Variants in MBD5 observed in about 807,000 individuals in gnomAD.
MBD5 encodes methyl-CpG binding domain protein 5.
MBD5 carries 13 observed loss-of-function variants against 117.3 expected under a neutral mutation model. That is an observed-to-expected ratio of 0.11 (90% CI 0.07 to 0.18). MBD5 has a LOEUF of 0.18. Among genes scored for constraint, MBD5 ranks in the 10% least tolerant of loss-of-function variants. The pLI, the probability that MBD5 is intolerant of heterozygous loss-of-function variation, is 1.00. For missense variants in MBD5, 1,879 were observed against 2,093.8 expected (o/e 0.90, Z 2.00); for synonymous variants, 727 against 766.4 (o/e 0.95, Z 0.85).
chr2:148,115,190 C>T (rs1277524336), intron 1 of MBD5, among the ~76,000 whole-genome samples: 1 of 151,868 alleles, frequency 6.6e-6, no homozygotes, highest in Non-Finnish European at 1.5e-5. Context: ...GATCATTTTT[C>T]TTTTTTCTTT....
intron 1 of MBD5, among the ~76,000 whole-genome samples, chr2:148,101,402 C>T (rs1012311567): frequency 6.6e-6 from 1 of 152,016 alleles, no homozygotes; most frequent in Non-Finnish European, 1.5e-5. Flanking sequence ...TTTGAGGTTG[C>T]AGTGAGCTAT....
chr2:148,216,870 G>C (rs992696849), intron 2 of MBD5, among the ~76,000 whole-genome samples: 9 of 152,086 alleles, frequency 5.9e-5, no homozygotes, highest in African/African-American at 1.9e-4. Context: ...CTGCACACTG[G>C]CACACTTGAC....
chr2:148,126,088 A>C (rs928540902), intron 1 of MBD5, among the ~76,000 whole-genome samples: 2 of 152,126 alleles, frequency 1.3e-5, no homozygotes, highest in Non-Finnish European at 2.9e-5. Flanking sequence ...CCAGTGCATC[A>C]TGGAGAATTG....
At position 148,081,712 on chromosome 2, in the gene MBD5, C is replaced by G. The variant is rs547050463; in HGVS notation, c.-925+60028C>G. 2.8e-4 allele frequency among the ~76,000 whole-genome samples: 43 copies of G among 152,148 alleles called. No homozygotes were observed. The South Asian group carries it at 8.9e-3, about 32-fold the overall frequency. On this transcript the variant is annotated intron_variant, in intron 1 of 13. Coordinates refer to ENST00000642680, the MANE Select transcript of MBD5 (RefSeq NM_001378120.1). ...CTGTGTTGCCGCAGAACCCATGGTG[C>G]CACCCACTCAGAAGGCTTCCTGGAT...
intron 2 of MBD5, among the ~76,000 whole-genome samples, chr2:148,194,927 A>G (rs1473090980): frequency 6.6e-6 from 1 of 152,180 alleles, no homozygotes; most frequent in East Asian, 1.9e-4. Flanking sequence ...TCAGACTGAT[A>G]AAAACCCAAT....
At chr2:148,107,820 T>A (rs1432074959) in intron 1 of MBD5, among the ~76,000 whole-genome samples, 2 of 152,168 alleles carry the variant, frequency 1.3e-5, no homozygotes, top group African/African-American at 4.8e-5. Context: ...ACATATAATG[T>A]CTTATTTTTA....
At chr2:148,252,612 C>A (rs1342854694) in intron 3 of MBD5, among the ~76,000 whole-genome samples, 3 of 152,184 alleles carry the variant, frequency 2.0e-5, no homozygotes, top group Admixed American at 6.5e-5. Flanking sequence ...TGCAATGGTG[C>A]AATCATGGCT....
At chr2:148,333,333 T>C (rs1277290628) in intron 3 of MBD5, among the ~76,000 whole-genome samples, 1 of 152,142 alleles carries the variant, frequency 6.6e-6, no homozygotes, top group Non-Finnish European at 1.5e-5. Flanking sequence ...CTGACTGCTG[T>C]TTTATCCAGG....
intron 4 of MBD5, chr2:148,447,508 C>T (rs1426860826): frequency 6.6e-6 from 1 of 152,126 alleles, no homozygotes; most frequent in Non-Finnish European, 1.5e-5. Context: ...TAAGTTATAC[C>T]TCTTGTCAAG....
At chr2:148,046,125 A>T (rs1223707757) in intron 1 of MBD5, among the ~76,000 whole-genome samples, 1 of 152,020 alleles carries the variant, frequency 6.6e-6, no homozygotes, top group East Asian at 1.9e-4. Flanking sequence ...CTGGGACTAC[A>T]GGCGTGTGCC....
At chr2:148,198,976 A>ATT (rs952602335) in intron 2 of MBD5, among the ~76,000 whole-genome samples, 19 of 151,800 alleles carry the variant, frequency 1.3e-4, no homozygotes, top group East Asian at 1.9e-4. Flanking sequence ...ATCTGTGTAT[A>ATT]TTATATATAT....
At chr2:148,166,130 T>G (rs1698120856) in intron 1 of MBD5, among the ~76,000 whole-genome samples, 1 of 152,168 alleles carries the variant, frequency 6.6e-6, no homozygotes, top group Admixed American at 6.5e-5. Context: ...CAAGAATGAC[T>G]CAGAAGCTCT....
At chr2:148,323,221 A>C (rs1038385263) in intron 3 of MBD5, among the ~76,000 whole-genome samples, 2 of 152,228 alleles carry the variant, frequency 1.3e-5, no homozygotes, top group African/African-American at 4.8e-5. Flanking sequence ...TATATGTGCC[A>C]CATTTTCTTA....
chr2:148,330,498 CT>C (rs1397954818), intron 3 of MBD5: 1 of 152,176 alleles, frequency 6.6e-6, no homozygotes, highest in Non-Finnish European at 1.5e-5. Context: ...AAAATGGATA[CT>C]CAGGCTATAT....
At chr2:148,050,836 G>C (rs1694679708) in intron 1 of MBD5, among the ~76,000 whole-genome samples, 1 of 152,144 alleles carries the variant, frequency 6.6e-6, no homozygotes, top group African/African-American at 2.4e-5. Flanking sequence ...AAATCAAGAA[G>C]TGTGTTTCCT....
chr2:148,151,815 A>G (rs550293465), intron 1 of MBD5, among the ~76,000 whole-genome samples: 1 of 151,554 alleles, frequency 6.6e-6, no homozygotes, highest in African/African-American at 2.4e-5. Flanking sequence ...TATTGCGTCT[A>G]TTTGATTCTT....
chr2:148,406,147 T>C (rs1244023076), intron 4 of MBD5, among the ~76,000 whole-genome samples: 1 of 152,112 alleles, frequency 6.6e-6, no homozygotes, highest in Non-Finnish European at 1.5e-5. Context: ...TAAACCAAGA[T>C]TGTGCCACTG....
In MBD5 at chr2:148,267,818, G is replaced by A. The variant is rs116337505; in HGVS notation, c.-680+34423G>A. On this transcript the variant is annotated intron_variant, in intron 3 of 13. Coordinates refer to ENST00000642680, the MANE Select transcript of MBD5 (RefSeq NM_001378120.1). ...TTTTTCCATATGAATTACCTATCCT[G>A]CAGAAGAATCAATCTTATTCCCACT... 1.5e-3 allele frequency among the ~76,000 whole-genome samples: 232 copies of A among 151,998 alleles called. 1 individual carries two copies. Among genetic ancestry groups the A allele is most frequent in the African/African-American group, 5.2e-3 (215 of 41,454 alleles).
At chr2:148,048,791 C>G (rs1020636057) in intron 1 of MBD5, among the ~76,000 whole-genome samples, 1 of 152,034 alleles carries the variant, frequency 6.6e-6, no homozygotes, top group Non-Finnish European at 1.5e-5. Flanking sequence ...GAAAAGTCCC[C>G]CAGAAGGCCT....
Sources: gnomAD v4.1 joint callset for allele counts (sites outside exome capture counted in the v4.1 genomes callset) on GRCh38, gnomAD v4.1.1 for gene constraint, MANE v1.5 for transcripts, NCBI Gene and HGNC (gene_info 2026-07-23, HGNC 2026-07-21) for gene names.